The following RGL1 variants were observed in gnomAD, a reference collection of about 807,000 sequenced individuals.
The protein encoded by RGL1 is ral guanine nucleotide dissociation stimulator-like 1.
RGL1 carries 24 observed loss-of-function variants against 95.2 expected under a neutral mutation model. The ratio of observed to expected loss-of-function variants is 0.25; its 90% CI spans 0.18 to 0.35. The LOEUF (loss-of-function observed/expected upper bound fraction) is 0.35, where lower values mean the gene tolerates loss of function less well. Ranked by LOEUF, RGL1 falls within the 10% of genes least tolerant of loss-of-function variation. RGL1 has a pLI of 1.00. For synonymous variants in RGL1, 329 were observed against 344.9 expected (o/e 0.95, Z 0.51); for missense variants, 715 against 936.3 (o/e 0.76, Z 3.08).
Position 183,877,109 on chromosome 1 carries a change from C to T in RGL1, c.426-3507C>T, listed in dbSNP as rs1050983518. On this transcript the variant is annotated intron_variant, in intron 4 of 17. Transcript: ENST00000360851. ...ACCTATCCAGGCTTCCTTAGTTCCC[C>T]GGTGGGACAGCCAGGATGAAAGATA... Among the ~76,000 whole-genome samples, 14 of 152,278 alleles carry T rather than the reference C, an allele frequency of 9.2e-5. No individual in the cohort carries two copies. The South Asian group carries it at 1.0e-3, about 11-fold the overall frequency.
chr1:183,758,604 C>T (rs1558191407), intron 2 of RGL1, among the ~76,000 whole-genome samples: 2 of 152,100 alleles, frequency 1.3e-5, no homozygotes, highest in Non-Finnish European at 2.9e-5. Context: ...CAGATGGTGT[C>T]TTCTCAATGG....
chr1:183,710,851 A>T (rs963776745), intron 1 of RGL1, among the ~76,000 whole-genome samples: 17 of 152,222 alleles, frequency 1.1e-4, no homozygotes, highest in African/African-American at 4.1e-4. Flanking sequence ...CCATATCACC[A>T]GGATCACAGA....
chr1:183,806,176 G>A (rs1384462683), intron 1 of RGL1, among the ~76,000 whole-genome samples, 199 bp from the exon 2 acceptor site: 1 of 151,830 alleles, frequency 6.6e-6, no homozygotes, highest in East Asian at 1.9e-4. Context: ...TGATACCACA[G>A]GAAGGGACTG....
chr1:183,819,312 G>T (rs80209184), intron 2 of RGL1, among the ~76,000 whole-genome samples: 2,006 of 152,254 alleles, frequency 0.013, 42 homozygotes, highest in African/African-American at 0.046. Context: ...TATGTTGCAG[G>T]CTTGTCCTGT....
chr1:183,783,778 G>A (rs1263434074), intron 2 of RGL1, among the ~76,000 whole-genome samples: 1 of 152,162 alleles, frequency 6.6e-6, no homozygotes, highest in African/African-American at 2.4e-5. Flanking sequence ...TTCAGAGGAG[G>A]GAGATGTAAC....
chr1:183,912,154 G>C lies in RGL1; in HGVS notation c.1635G>C (p.Gly545=), dbSNP rs772015812. The C allele has an allele frequency of 1.2e-6, 2 of 1,614,074 alleles. No homozygotes were observed. The highest frequency in any genetic ancestry group is 1.7e-6 in the Non-Finnish European group (2 of 1,180,004). Residue 545 remains glycine, a synonymous_variant, in exon 15 of 18, where the codon GGG becomes GGC. Transcript: ENST00000360851. The stretch of plus-strand genomic sequence containing the variant: ...AGCAGCCCAAGTCCACTGCCAGCGG[G>C]AGCTCTGGTGAAAGCATGGACTCTG... ...TKEQPKSTAS[G]SSGESMDSVS...
chr1:183,687,697 G>A (rs1653686775), intron 1 of RGL1, among the ~76,000 whole-genome samples: 1 of 152,082 alleles, frequency 6.6e-6, no homozygotes, highest in South Asian at 2.1e-4. Flanking sequence ...TGATGTAAAA[G>A]GGAACAAAGA....
At chr1:183,656,688 G>A (rs1651190149) in intron 1 of RGL1, among the ~76,000 whole-genome samples, 1 of 152,124 alleles carries the variant, frequency 6.6e-6, no homozygotes, top group Non-Finnish European at 1.5e-5. Flanking sequence ...TTTGCCAGTC[G>A]TTCCTTGCTC....
chr1:183,695,754 C>G (rs10911415), intron 1 of RGL1, among the ~76,000 whole-genome samples: 1 of 152,052 alleles, frequency 6.6e-6, no homozygotes, highest in African/African-American at 2.4e-5. Flanking sequence ...AACTACTTAT[C>G]TTCAAATTAA....
At chr1:183,805,966 CTTTTCTTTTTTTTTTTTTT>C (rs1661277772) in intron 1 of RGL1, among the ~76,000 whole-genome samples, 11 of 28,402 alleles carry the variant, frequency 3.9e-4, no homozygotes, top group Non-Finnish European at 7.8e-4. Context: ...TTTTTCTTTT[CTTTTCTTTTTTTTTTTTTT>C]TTTTTTTTTT....
intron 1 of RGL1, among the ~76,000 whole-genome samples, chr1:183,668,779 G>A (rs1015695102): frequency 1.3e-5 from 2 of 151,796 alleles, no homozygotes; most frequent in Non-Finnish European, 2.9e-5. Flanking sequence ...ACTCATTATT[G>A]CTTCAAATAT....
chr1:183,917,883 T>C (rs1669073333), intron 16 of RGL1, among the ~76,000 whole-genome samples: 1 of 152,166 alleles, frequency 6.6e-6, no homozygotes, highest in Non-Finnish European at 1.5e-5. Context: ...CATGGCACTG[T>C]GTTTGCTGGA....
intron 2 of RGL1, among the ~76,000 whole-genome samples, chr1:183,783,739 A>G (rs1660017978): frequency 6.6e-6 from 1 of 152,240 alleles, no homozygotes; most frequent in African/African-American, 2.4e-5. Flanking sequence ...AAAATCTATA[A>G]TGGAAACCCA....
chr1:183,884,323 T>C (rs1473374429), intron 6 of RGL1, among the ~76,000 whole-genome samples: 4 of 152,230 alleles, frequency 2.6e-5, no homozygotes, highest in African/African-American at 7.2e-5. Context: ...TGATTGTATC[T>C]GGCCCCTCAT....
At chr1:183,687,558 T>C (rs1653677879) in intron 1 of RGL1, among the ~76,000 whole-genome samples, 1 of 152,156 alleles carries the variant, frequency 6.6e-6, no homozygotes, top group African/African-American at 2.4e-5. Flanking sequence ...TGAGATCTTT[T>C]TGGGAGATTT....
chr1:183,813,090 C>G (rs997704503), intron 2 of RGL1, among the ~76,000 whole-genome samples: 4 of 151,986 alleles, frequency 2.6e-5, no homozygotes, highest in Non-Finnish European at 4.4e-5. Context: ...AGCATGGGGA[C>G]CCAGGAGGAG....
intron 1 of RGL1, among the ~76,000 whole-genome samples, chr1:183,711,096 T>C (rs1655234436): frequency 6.6e-6 from 1 of 152,220 alleles, no homozygotes; most frequent in Admixed American, 6.5e-5. Flanking sequence ...CAACCTGTTA[T>C]TGAGTCAGCC....
chr1:183,814,536 A>T (rs1179571341), intron 2 of RGL1, among the ~76,000 whole-genome samples: 1 of 152,152 alleles, frequency 6.6e-6, no homozygotes, highest in Non-Finnish European at 1.5e-5. Flanking sequence ...ATCTAATCCT[A>T]TGTAAACTCC....
At chr1:183,868,859 T>C (rs1665993605) in intron 4 of RGL1, among the ~76,000 whole-genome samples, 1 of 152,222 alleles carries the variant, frequency 6.6e-6, no homozygotes, top group African/African-American at 2.4e-5. Flanking sequence ...CTCATGCCTG[T>C]AATCCCAACA....
Sources: gnomAD v4.1 joint callset for allele counts (sites outside exome capture counted in the v4.1 genomes callset) on GRCh38, gnomAD v4.1.1 for gene constraint, MANE v1.5 for transcripts, NCBI Gene and HGNC (gene_info 2026-07-23, HGNC 2026-07-21) for gene names.